Variants in CALN1 observed in about 807,000 individuals in gnomAD.
CALN1 encodes the protein calcium-binding protein 8.
A neutral mutation model predicts 30.6 loss-of-function variants in CALN1; 17 were observed. The ratio of observed to expected loss-of-function variants is 0.56; its 90% CI spans 0.38 to 0.83. The LOEUF (loss-of-function observed/expected upper bound fraction) is 0.83. Ranked by LOEUF, CALN1 falls within the 40% of genes least tolerant of loss-of-function variation. The pLI is 0.00. For missense variants in CALN1, 291 were observed against 354.9 expected (o/e 0.82, Z 1.45); for synonymous variants, 156 against 131.4 (o/e 1.19, Z -1.28).
intron 5 of CALN1, among the ~76,000 whole-genome samples, chr7:71,961,371 A>T (rs898698961): frequency 2.0e-4 from 31 of 152,220 alleles, no homozygotes; most frequent in African/African-American, 7.5e-4. Context: ...ATGTATTTAT[A>T]CATAAAACCC....
At chr7:72,494,948 T>C in the CALN1 span, among the ~76,000 whole-genome samples, 62 of 150,906 alleles carry the variant, frequency 4.1e-4, no homozygotes, top group Non-Finnish European at 6.9e-4. Context: ...CCTTATGGCA[T>C]GATAGCTGGC....
Position 72,140,336 on chromosome 7 carries a change from AAGGAAGGGAGGG to A in CALN1, c.245-34054_245-34043del, listed in dbSNP as rs1399596980. On this transcript the variant is annotated intron_variant, in intron 3 of 6. Transcript: ENST00000395275. ...GAGAGGAACAGAGAAAGGGAGAAGGAAGGAAGGGAGGGAGGGAGGGAGGGAGGGAGGGAGGGA... is the reference window on the plus strand; with the variant it reads ...GAGAGGAACAGAGAAAGGGAGAAGGAAGGGAGGGAGGGAGGGAGGGAGGGA... Among the ~76,000 whole-genome samples the A allele has an allele frequency of 1.4e-3, 107 of 76,802 alleles. 2 individuals are homozygous for A. The highest frequency in any genetic ancestry group is 5.2e-3 in the African/African-American group (98 of 18,744). 50.4% of individuals were successfully genotyped at this position (76,802 alleles called of 152,430 possible). A position where few individuals can be genotyped will look rare whatever the true frequency, so the allele number is the denominator to read the frequency against.
intron 3 of CALN1, among the ~76,000 whole-genome samples, chr7:72,170,251 C>A (rs903569439): frequency 6.6e-6 from 1 of 152,178 alleles, no homozygotes; most frequent in Non-Finnish European, 1.5e-5. Context: ...GTGGCTGGGA[C>A]TACAGGTGTG....
intron 4 of CALN1, among the ~76,000 whole-genome samples, chr7:72,026,588 A>G (rs894568918): frequency 5.3e-5 from 7 of 131,074 alleles, no homozygotes; most frequent in African/African-American, 1.3e-4. Flanking sequence ...CTGTCTGGGG[A>G]AAAAAAAAAT....
intron 2 of CALN1, among the ~76,000 whole-genome samples, chr7:72,292,504 A>C (rs1798555174): frequency 6.6e-6 from 1 of 150,608 alleles, no homozygotes; most frequent in African/African-American, 2.4e-5. Context: ...ATATCTGCTA[A>C]TACCATCACA....
chr7:71,802,588 G>A (rs927937128), intron 6 of CALN1, among the ~76,000 whole-genome samples: 1 of 152,232 alleles, frequency 6.6e-6, no homozygotes, highest in Admixed American at 6.5e-5. Context: ...TCAGCCTCCC[G>A]AATAGCTGAG....
chr7:72,368,948 G>GCCT (rs1804048039), intron 2 of CALN1, among the ~76,000 whole-genome samples: 1 of 151,334 alleles, frequency 6.6e-6, no homozygotes. Context: ...CCAAGTAGCT[G>GCCT]GGATTACAGG....
chr7:72,131,451 G>A (rs995816445), intron 3 of CALN1, among the ~76,000 whole-genome samples: 1 of 152,092 alleles, frequency 6.6e-6, no homozygotes, highest in African/African-American at 2.4e-5. Context: ...ATTTATCGCT[G>A]CTCTTCATGC....
chr7:72,381,194 C>T (rs146214708), intron 2 of CALN1, among the ~76,000 whole-genome samples: 1 of 152,286 alleles, frequency 6.6e-6, no homozygotes, highest in East Asian at 1.9e-4. Context: ...AATGAAGATG[C>T]AACCTAAGAA....
At chr7:72,001,028 T>G (rs1463195472) in intron 5 of CALN1, among the ~76,000 whole-genome samples, 1 of 152,194 alleles carries the variant, frequency 6.6e-6, no homozygotes, top group Non-Finnish European at 1.5e-5. Flanking sequence ...CTGAAGCAGG[T>G]GATCAACTTC....
chr7:72,079,064 G>A (rs1281461641), intron 4 of CALN1, among the ~76,000 whole-genome samples: 1 of 152,196 alleles, frequency 6.6e-6, no homozygotes. Context: ...ATTTTGAAAT[G>A]AGGTCCTTAC....
upstream of CALN1, among the ~76,000 whole-genome samples, chr7:72,449,267 G>A (rs1808609062): frequency 6.6e-6 from 1 of 152,228 alleles, no homozygotes; most frequent in Non-Finnish European, 1.5e-5. Flanking sequence ...GGCAGATGCG[G>A]ACGGCGCACT....
Position 71,784,547 on chromosome 7 carries a change from G to A in CALN1, c.*3228C>T, listed in dbSNP as rs948468525. The A allele has an allele frequency of 2.7e-5, 9 of 333,300 alleles. No individual in the cohort carries two copies. Among genetic ancestry groups the A allele is most frequent in the Non-Finnish European group, 3.8e-5 (7 of 185,228 alleles). The allele number at this position is 333,300 out of a possible 1,614,324, so 20.6% of individuals were successfully genotyped here. ...TTGTGGGTATCTGGAAAGGTGGGGCGCAGCTTCTTTGGGGATCAAGGGGGT... is the reference window on the plus strand; with the variant it reads ...TTGTGGGTATCTGGAAAGGTGGGGCACAGCTTCTTTGGGGATCAAGGGGGT... On this transcript the variant is annotated 3_prime_UTR_variant, in exon 7 of 7. Transcript: ENST00000395275.
At chr7:71,987,835 C>T (rs1025902846) in intron 5 of CALN1, among the ~76,000 whole-genome samples, 2 of 152,120 alleles carry the variant, frequency 1.3e-5, no homozygotes, top group Non-Finnish European at 2.9e-5. Flanking sequence ...GAGTCTCCAT[C>T]CTTTATCTTT....
chr7:71,966,183 CT>C (rs1797521655), intron 5 of CALN1, among the ~76,000 whole-genome samples: 1 of 152,204 alleles, frequency 6.6e-6, no homozygotes, highest in Admixed American at 6.5e-5. Flanking sequence ...ACAGTCAACT[CT>C]GTCACCATAA....
rs141693527 is a variant in CALN1, at chr7:71,789,942, TA to T, written c.659-2041del. Reference sequence around the variant, plus strand: ...AAGACCCTGTCCCTACAAAAAATAATAAAAAAAAAATTTAGCTGGGTGTCGT... The same window carrying T: ...AAGACCCTGTCCCTACAAAAAATAATAAAAAAAAATTTAGCTGGGTGTCGT... On this transcript the variant is annotated intron_variant, in intron 6 of 6. Transcript: ENST00000395275. 1.3e-4 allele frequency among the ~76,000 whole-genome samples: 19 copies of T among 149,576 alleles called. No homozygotes were observed. The East Asian group carries it at 2.4e-3, about 19-fold the overall frequency.
At chr7:72,298,545 G>A (rs1191046960) in intron 2 of CALN1, among the ~76,000 whole-genome samples, 4 of 152,152 alleles carry the variant, frequency 2.6e-5, no homozygotes, top group African/African-American at 7.2e-5. Context: ...GGGCCTGTTA[G>A]ATCAGCATGA....
intron 5 of CALN1, among the ~76,000 whole-genome samples, chr7:71,826,395 T>G (rs549144022): frequency 3.3e-5 from 5 of 152,188 alleles, no homozygotes; most frequent in Non-Finnish European, 5.9e-5. Flanking sequence ...GGAGCAGACA[T>G]GTGACTCAGA....
In CALN1 at chr7:72,304,401, C is replaced by T. The variant is rs575569726; in HGVS notation, c.120-25591G>A. 1.8e-4 allele frequency among the ~76,000 whole-genome samples: 28 copies of T among 152,116 alleles called. No individual in the cohort carries two copies. The South Asian group carries it at 4.6e-3, about 25-fold the overall frequency. Reference sequence around the variant, plus strand: ...CAGCACTTTGGGAGGCCAAGGTGTTCGGGGGCCAGGAAGGGGGGATTGCCT... The same window carrying T: ...CAGCACTTTGGGAGGCCAAGGTGTTTGGGGGCCAGGAAGGGGGGATTGCCT... On this transcript the variant is annotated intron_variant, in intron 2 of 6. Coordinates refer to ENST00000395275, the MANE Select transcript of CALN1 (RefSeq NM_031468.4).
Sources: allele counts gnomAD v4.1 joint callset (sites outside exome capture counted in the v4.1 genomes callset), GRCh38; gene constraint gnomAD v4.1.1; transcripts MANE v1.5; gene names NCBI Gene and HGNC (gene_info 2026-07-23, HGNC 2026-07-21).